The following ARHGAP24 variants were observed in gnomAD, a reference collection of about 807,000 sequenced individuals.
ARHGAP24 encodes the protein Rho GTPase activating protein 24.
Under a neutral mutation model 76.4 loss-of-function variants are expected in ARHGAP24, and 50 were observed. That is an observed-to-expected ratio of 0.65 (90% CI 0.52 to 0.83). ARHGAP24 has a LOEUF of 0.83. ARHGAP24 is among the 40% of genes least tolerant of loss of function. ARHGAP24 has a pLI of 0.00. For missense variants in ARHGAP24, 930 were observed against 914.2 expected (o/e 1.02, Z -0.22); for synonymous variants, 345 against 323.3 (o/e 1.07, Z -0.72).
intron 2 of ARHGAP24, among the ~76,000 whole-genome samples, chr4:85,656,618 G>A (rs1722182970): frequency 6.6e-6 from 1 of 151,902 alleles, no homozygotes; most frequent in Non-Finnish European, 1.5e-5. Context: ...CAAGCGTGTG[G>A]CACCATGACC....
At chr4:85,769,021 C>T (rs1393013038) in intron 3 of ARHGAP24, among the ~76,000 whole-genome samples, 1 of 152,000 alleles carries the variant, frequency 6.6e-6, no homozygotes, top group Non-Finnish European at 1.5e-5. Context: ...GGATGAGGAT[C>T]TTTTTATTGC....
At chr4:85,874,963 AT>A (rs1439946306) in intron 3 of ARHGAP24, among the ~76,000 whole-genome samples, 1 of 120,952 alleles carries the variant, frequency 8.3e-6, no homozygotes, top group African/African-American at 3.3e-5. Context: ...TAATTTATAT[AT>A]AAATATATTT....
At chr4:85,667,524 T>C (rs1032790452) in intron 2 of ARHGAP24, among the ~76,000 whole-genome samples, 16 of 152,164 alleles carry the variant, frequency 1.1e-4, no homozygotes, top group African/African-American at 3.9e-4. Flanking sequence ...ACCCACTTTC[T>C]GGCACTCCTT....
chr4:85,921,448 G>T (rs7654702), intron 3 of ARHGAP24, among the ~76,000 whole-genome samples: 46,479 of 151,818 alleles, frequency 0.31, 7,355 homozygotes, highest in South Asian at 0.5. Flanking sequence ...CTTAGTACCT[G>T]GGTGATGAAA....
intron 2 of ARHGAP24, among the ~76,000 whole-genome samples, chr4:85,656,098 A>G (rs1200724895): frequency 6.6e-6 from 1 of 152,080 alleles, no homozygotes; most frequent in Non-Finnish European, 1.5e-5. Flanking sequence ...TTATAATCCT[A>G]TATTCTTGGA....
intron 2 of ARHGAP24, among the ~76,000 whole-genome samples, chr4:85,633,603 A>G (rs1390461346): frequency 6.6e-6 from 1 of 151,932 alleles, no homozygotes; most frequent in Non-Finnish European, 1.5e-5. Context: ...GATATTTACA[A>G]TCATGAAATA....
chr4:85,929,874 AG>A (rs1691546184), intron 4 of ARHGAP24, among the ~76,000 whole-genome samples: 1 of 152,208 alleles, frequency 6.6e-6, no homozygotes, highest in Non-Finnish European at 1.5e-5. Context: ...AGGGGCAAAA[AG>A]TTTACCCCCT....
intron 3 of ARHGAP24, among the ~76,000 whole-genome samples, chr4:85,878,989 C>G (rs545835084): frequency 6.6e-6 from 1 of 152,268 alleles, no homozygotes; most frequent in Non-Finnish European, 1.5e-5. Context: ...GCAATTCAAC[C>G]AAGTACACTA....
At chr4:85,976,221 G>GT (rs796677500) in intron 7 of ARHGAP24, among the ~76,000 whole-genome samples, 28 of 152,318 alleles carry the variant, frequency 1.8e-4, no homozygotes, top group African/African-American at 6.3e-4. Flanking sequence ...AGAAATGCTA[G>GT]TTTGACTTTT....
intron 1 of ARHGAP24, among the ~76,000 whole-genome samples, chr4:85,515,218 T>A (rs1724449364): frequency 6.6e-6 from 1 of 152,290 alleles, no homozygotes; most frequent in South Asian, 2.1e-4. Flanking sequence ...CAGAGAAGTA[T>A]TTTTGTTTTC....
chr4:85,755,257 C>A (rs1349280983), intron 3 of ARHGAP24, among the ~76,000 whole-genome samples: 1 of 152,054 alleles, frequency 6.6e-6, no homozygotes, highest in African/African-American at 2.4e-5. Context: ...GGACAATTCT[C>A]CCTTCATGCT....
At chr4:85,476,082 T>C (rs1042731333) in intron 1 of ARHGAP24, among the ~76,000 whole-genome samples, 4 of 148,536 alleles carry the variant, frequency 2.7e-5, no homozygotes, top group African/African-American at 9.8e-5. Flanking sequence ...ATTAGAAATA[T>C]ATATTATAAA....
intron 3 of ARHGAP24, among the ~76,000 whole-genome samples, chr4:85,816,977 A>C (rs528230333): frequency 2.3e-4 from 35 of 152,276 alleles, no homozygotes; most frequent in African/African-American, 8.4e-4. Flanking sequence ...GAAGTAATAG[A>C]TAACTCATTG....
At chr4:85,541,757 GATACTT>G (rs903089794) in intron 1 of ARHGAP24, among the ~76,000 whole-genome samples, 1 of 150,510 alleles carries the variant, frequency 6.6e-6, no homozygotes. Context: ...AAACAATAGA[GATACTT>G]ATAAAATGCC....
chr4:85,728,773 A>T (rs1190364779), intron 3 of ARHGAP24, among the ~76,000 whole-genome samples: 4 of 152,166 alleles, frequency 2.6e-5, no homozygotes, highest in Non-Finnish European at 4.4e-5. Flanking sequence ...AGTTTGGCCA[A>T]TTTTTGAGTT....
intron 3 of ARHGAP24, among the ~76,000 whole-genome samples, chr4:85,797,476 A>G (rs2110101111): frequency 6.6e-6 from 1 of 152,334 alleles, no homozygotes; most frequent in East Asian, 1.9e-4. Flanking sequence ...CCCGGCCGGC[A>G]AAGGAAACAT....
intron 1 of ARHGAP24, among the ~76,000 whole-genome samples, chr4:85,512,552 G>C (rs1724324743): frequency 6.6e-6 from 1 of 152,146 alleles, no homozygotes; most frequent in East Asian, 1.9e-4. Context: ...AAGTTTATCA[G>C]CTGTATGCCA....
intron 7 of ARHGAP24, among the ~76,000 whole-genome samples, chr4:85,976,376 C>G (rs1560759358): frequency 6.6e-6 from 1 of 152,070 alleles, no homozygotes; most frequent in African/African-American, 2.4e-5. Flanking sequence ...TAGCTTTGCC[C>G]CTTACTAACT....
intron 3 of ARHGAP24, among the ~76,000 whole-genome samples, chr4:85,901,398 A>G (rs1280293956): frequency 1.3e-5 from 2 of 152,286 alleles, no homozygotes; most frequent in Middle Eastern, 6.8e-3. Context: ...ACAAAAAAAA[A>G]AAACTGACAA....
Sources: gnomAD v4.1 joint callset for allele counts (sites outside exome capture counted in the v4.1 genomes callset) on GRCh38, gnomAD v4.1.1 for gene constraint, MANE v1.5 for transcripts, NCBI Gene and HGNC (gene_info 2026-07-23, HGNC 2026-07-21) for gene names.